TRPM3: variants seen among roughly 807,000 people sequenced by gnomAD.
TRPM3 encodes the protein long transient receptor potential channel 3.
A neutral mutation model predicts 181.2 loss-of-function variants in TRPM3; 77 were observed. The observed-to-expected ratio is 0.42, with a 90% confidence interval of 0.35 to 0.51. TRPM3 has a LOEUF of 0.51. Ranked by LOEUF, TRPM3 falls within the 20% of genes least tolerant of loss-of-function variation. The pLI, the probability that TRPM3 is intolerant of heterozygous loss-of-function variation, is 0.01. For synonymous variants in TRPM3, 745 were observed against 796.4 expected (o/e 0.94, Z 1.09); for missense variants, 1,759 against 2,196.7 (o/e 0.80, Z 3.98).
intron 1 of TRPM3, among the ~76,000 whole-genome samples, chr9:71,117,359 T>C (rs1020186071): frequency 6.6e-6 from 1 of 152,182 alleles, no homozygotes; most frequent in African/African-American, 2.4e-5. Flanking sequence ...AGGCCTTCTA[T>C]TAGGTGGGTG....
At chr9:70,550,945 A>G (rs914155884) in intron 24 of TRPM3, among the ~76,000 whole-genome samples, 13 of 152,174 alleles carry the variant, frequency 8.5e-5, no homozygotes, top group African/African-American at 3.1e-4. Flanking sequence ...ATTAGTCTCG[A>G]GGGAGGGGAA....
In TRPM3 at chr9:70,536,145, A is replaced by G. The variant is rs763413366; in HGVS notation, c.4968T>C (p.Ser1656=). ...TCTTCCTGGTGTGTGCATATGGCGCACTTGGCTCCTCTGCCGAGTAGCTGT... is the reference window on the plus strand; with the variant it reads ...TCTTCCTGGTGTGTGCATATGGCGCGCTTGGCTCCTCTGCCGAGTAGCTGT... ...RANSYSAEEP[S]APYAHTRKSF... The change falls in exon 26 of 26, where the codon AGT becomes AGC. Residue 1656 remains serine, a synonymous_variant. Coordinates refer to ENST00000677713, the MANE Select transcript of TRPM3 (RefSeq NM_001366145.2). 6.2e-7 allele frequency: 1 copy of G among 1,614,182 alleles called. No homozygotes were observed. The highest frequency in any genetic ancestry group is 1.1e-5 in the South Asian group (1 of 91,088).
rs569700504 is a variant in TRPM3 at position 70,997,285 on chromosome 9, G to A, written c.177+123893C>T. 1.4e-4 allele frequency among the ~76,000 whole-genome samples: 21 copies of A among 152,150 alleles called. No homozygotes were observed. In the East Asian group the frequency reaches 3.7e-3, roughly 27 times the overall value. ...ACGATGTCAGCTCACTGCAGGCTCC[G>A]CCTCCTGGGTTCACGCTATTCTGCC... On this transcript the variant is annotated intron_variant, in intron 1 of 25. Transcript: ENST00000677713.
chr9:70,562,863 G>A (rs887892668), intron 22 of TRPM3, among the ~76,000 whole-genome samples: 15 of 152,100 alleles, frequency 9.9e-5, no homozygotes, highest in African/African-American at 3.6e-4. Context: ...CTAGCCTATT[G>A]TACACGCCAG....
intron 1 of TRPM3, among the ~76,000 whole-genome samples, chr9:71,115,333 G>A (rs2072112222): frequency 6.6e-6 from 1 of 151,924 alleles, no homozygotes; most frequent in South Asian, 2.1e-4. Context: ...TCCGAGAGTG[G>A]GCCCTGACTA....
chr9:70,965,680 C>T (rs962573872), intron 1 of TRPM3, among the ~76,000 whole-genome samples: 2 of 151,950 alleles, frequency 1.3e-5, no homozygotes, highest in African/African-American at 2.4e-5. Flanking sequence ...TTCTATTTGC[C>T]AGTATTTTGT....
In TRPM3 at chr9:70,533,469, G is replaced by A. The variant is rs1289916651; in HGVS notation, c.*2484C>T. 6.6e-6 allele frequency: 1 copy of A among 152,208 alleles called. No individual in the cohort carries two copies. Among genetic ancestry groups the A allele is most frequent in the African/African-American group, 2.4e-5 (1 of 41,446 alleles). The allele number at this position is 152,208 out of a possible 1,614,324, so 9.4% of individuals were successfully genotyped here. On this transcript the variant is annotated 3_prime_UTR_variant, in exon 26 of 26. Transcript: ENST00000677713. ...GAATCACAGAGAGATGGTCTCAAATGTAAAGTGCCTATTACAACTGCATTA... is the reference window on the plus strand; with the variant it reads ...GAATCACAGAGAGATGGTCTCAAATATAAAGTGCCTATTACAACTGCATTA...
Position 70,625,288 on chromosome 9 carries a change from C to A in TRPM3, c.1712G>T (p.Gly571Val). 1 of 1,614,122 alleles carries A rather than the reference C, an allele frequency of 6.2e-7. No individual in the cohort carries two copies. The highest frequency in any genetic ancestry group is 1.1e-5 in the South Asian group (1 of 91,086). The change falls in exon 14 of 26, where the codon GGC becomes GTC. Residue 571 changes from glycine to valine, a missense_variant. Coordinates refer to ENST00000677713, the MANE Select transcript of TRPM3 (RefSeq NM_001366145.2). This position sits in a 1 kb window ranked among gnomAD's most constrained non-coding sequence, Gnocchi z 4.8. ...PDYRISLIDI[G>V]LVIEYLMGGA... ...GCCCATCAGGTACTCGATCACCAGG[C>A]CGATGTCAATCAGGCTGATTCTGTA...
At chr9:70,760,011 C>G (rs1017901521) in intron 8 of TRPM3, among the ~76,000 whole-genome samples, 8 of 152,120 alleles carry the variant, frequency 5.3e-5, no homozygotes, top group Middle Eastern at 3.4e-3. Flanking sequence ...ATTTCCTGAG[C>G]CTGGAGCTAG....
intron 6 of TRPM3, among the ~76,000 whole-genome samples, chr9:70,790,499 G>C (rs2085109255): frequency 6.6e-6 from 1 of 152,122 alleles, no homozygotes; most frequent in Admixed American, 6.6e-5. Flanking sequence ...GATTTTTGTT[G>C]ATTTAAATGT....
intron 1 of TRPM3, among the ~76,000 whole-genome samples, chr9:71,030,926 G>T (rs1031787212): frequency 6.6e-6 from 1 of 152,080 alleles, no homozygotes; most frequent in African/African-American, 2.4e-5. Context: ...GGTATTCATT[G>T]GTTATCAATA....
chr9:70,759,382 G>A (rs1296172653), intron 8 of TRPM3, among the ~76,000 whole-genome samples: 2 of 152,224 alleles, frequency 1.3e-5, no homozygotes, highest in South Asian at 2.1e-4. Context: ...TACACTGTTG[G>A]TGGGAGTGTA....
intron 25 of TRPM3, among the ~76,000 whole-genome samples, chr9:70,546,721 T>A (rs770741867): frequency 5.4e-4 from 81 of 148,940 alleles, no homozygotes; most frequent in Non-Finnish European, 1.1e-3. Context: ...GCATAACAGA[T>A]GAAAAGCTTG....
chr9:71,015,308 C>G (rs899181576), intron 1 of TRPM3, among the ~76,000 whole-genome samples: 3 of 152,166 alleles, frequency 2.0e-5, no homozygotes, highest in Non-Finnish European at 4.4e-5. Context: ...CTACCTTGTA[C>G]CTTGGTAGCT....
chr9:70,868,965 A>G, intron 1 of TRPM3: 4 of 983,950 alleles, frequency 4.1e-6, no homozygotes, highest in Non-Finnish European at 4.8e-6. Context: ...ACAAGAGAAA[A>G]GTTAGCTGAA....
At chr9:71,066,854 A>T (rs2061995302) in intron 1 of TRPM3, among the ~76,000 whole-genome samples, 1 of 152,054 alleles carries the variant, frequency 6.6e-6, no homozygotes, top group African/African-American at 2.4e-5. Context: ...ATCTAGTCTC[A>T]CTAGTGTCCA....
intron 1 of TRPM3, among the ~76,000 whole-genome samples, chr9:71,136,353 A>T (rs979956169): frequency 1.3e-5 from 2 of 152,206 alleles, no homozygotes; most frequent in Non-Finnish European, 2.9e-5. Context: ...TGTTCTCTGT[A>T]GCTTCCAGTT....
At chr9:71,306,560 T>C (rs1056680056) in intron 1 of TRPM3, among the ~76,000 whole-genome samples, 4 of 152,164 alleles carry the variant, frequency 2.6e-5, no homozygotes, top group Admixed American at 6.5e-5. Flanking sequence ...TCTATAAGCC[T>C]TCTATGTATT....
chr9:71,407,756 T>G (rs2093464839), intron 1 of TRPM3, among the ~76,000 whole-genome samples: 1 of 152,090 alleles, frequency 6.6e-6, no homozygotes, highest in Admixed American at 6.5e-5. Flanking sequence ...GAGCTCTGAC[T>G]ATGGACAGAG....
Sources: gnomAD v4.1 joint callset for allele counts (sites outside exome capture counted in the v4.1 genomes callset) on GRCh38, gnomAD v4.1.1 for gene constraint, Gnocchi (gnomAD v3.1) non-coding constraint, MANE v1.5 for transcripts, NCBI Gene and HGNC (gene_info 2026-07-23, HGNC 2026-07-21) for gene names.